The following LDHC variants were observed in gnomAD, a reference collection of about 807,000 sequenced individuals.
LDHC encodes lactate dehydrogenase C, also known as L-lactate dehydrogenase C chain.
Under a neutral mutation model 30.2 loss-of-function variants are expected in LDHC, and 20 were observed. The observed-to-expected ratio is 0.66, with a 90% CI of 0.47 to 0.96. The LOEUF (loss-of-function observed/expected upper bound fraction) is 0.96, where lower values mean the gene tolerates loss of function less well. Among genes scored for constraint, LDHC ranks in the 40% least tolerant of loss-of-function variants. The pLI, the probability that LDHC is intolerant of heterozygous loss-of-function variation, is 0.00. For missense variants in LDHC, 362 were observed against 394.9 expected (o/e 0.92, Z 0.71); for synonymous variants, 139 against 132.7 (o/e 1.05, Z -0.32).
chr11:18,415,817 T>C (rs56242938), intron 3 of LDHC, among the ~76,000 whole-genome samples: 18,528 of 152,048 alleles, frequency 0.12, 1,156 homozygotes, highest in Admixed American at 0.16. Flanking sequence ...CTCAGTCTCC[T>C]GAATAGCTGG....
chr11:18,434,653 T>TA, intron 4 of LDHC, 87 bp from the exon 5 acceptor site: 1 of 741,204 alleles, frequency 1.3e-6, no homozygotes, highest in Non-Finnish European at 2.3e-6. Flanking sequence ...TATTTGACTC[T>TA]AAAACAATTC....
At chr11:18,414,744 C>A (rs1590222032) in intron 2 of LDHC, among the ~76,000 whole-genome samples, 1 of 152,128 alleles carries the variant, frequency 6.6e-6, no homozygotes. Flanking sequence ...ACGAAAATTG[C>A]TTGAACCTGG....
chr11:18,442,058 A>G (rs530241463), intron 6 of LDHC, among the ~76,000 whole-genome samples: 1 of 149,240 alleles, frequency 6.7e-6, no homozygotes, highest in Non-Finnish European at 1.5e-5. Flanking sequence ...AGTTCTCAAC[A>G]GTTTTGTTTT....
intron 3 of LDHC, 134 bp downstream of exon 3, chr11:18,415,435 A>C: frequency 1.8e-6 from 1 of 569,546 alleles, no homozygotes; most frequent in East Asian, 3.0e-5. Flanking sequence ...TTAGTTGATC[A>C]ATTTTTTTTG....
chr11:18,417,162 G>A (rs1223815020), intron 3 of LDHC, among the ~76,000 whole-genome samples: 2 of 152,118 alleles, frequency 1.3e-5, no homozygotes, highest in Non-Finnish European at 2.9e-5. Context: ...GGGATTACAG[G>A]CGTGAGCCAC....
At chr11:18,412,928 T>C in intron 2 of LDHC, 85 bp downstream of exon 2, 1 of 1,299,934 alleles carries the variant, frequency 7.7e-7, no homozygotes, top group Non-Finnish European at 1.1e-6. Flanking sequence ...GGTTGCAAGG[T>C]TAATCCCTTG....
At chr11:18,433,784 T>C (rs1848310102) in intron 4 of LDHC, among the ~76,000 whole-genome samples, 1 of 152,188 alleles carries the variant, frequency 6.6e-6, no homozygotes, top group Non-Finnish European at 1.5e-5. Context: ...TAGGCAAAGG[T>C]CTTTTTGCGA....
At chr11:18,441,418 C>T (rs1181174443) in intron 6 of LDHC, among the ~76,000 whole-genome samples, 1 of 151,728 alleles carries the variant, frequency 6.6e-6, no homozygotes, top group East Asian at 2.0e-4. Flanking sequence ...AAGCAATTCT[C>T]CTGCCTCAGC....
chr11:18,428,494 G>A (rs186041287), intron 3 of LDHC, among the ~76,000 whole-genome samples: 19 of 152,116 alleles, frequency 1.2e-4, no homozygotes, highest in Middle Eastern at 3.4e-3. Context: ...ATGAAAAGTC[G>A]AGATGAGATA....
chr11:18,415,750 T>C (rs1426945876), intron 3 of LDHC, among the ~76,000 whole-genome samples: 1 of 152,056 alleles, frequency 6.6e-6, no homozygotes, highest in East Asian at 1.9e-4. Flanking sequence ...TGGAGTGCAG[T>C]GGCACAATCT....
At chr11:18,438,338 G>T (rs1848394581) in intron 5 of LDHC, among the ~76,000 whole-genome samples, 190 bp from the exon 6 acceptor site, 1 of 152,140 alleles carries the variant, frequency 6.6e-6, no homozygotes, top group African/African-American at 2.4e-5. Flanking sequence ...AGCTATTCAT[G>T]AGGGATCTGC....
In LDHC at chr11:18,426,832, C is replaced by A. The variant is rs538369006; in HGVS notation, c.245-2905C>A. Among the ~76,000 whole-genome samples, 37 of 152,264 alleles carry A rather than the reference C, an allele frequency of 2.4e-4. No homozygotes were observed. In the East Asian group the frequency reaches 6.5e-3, roughly 27 times the overall value. On this transcript the variant is annotated intron_variant, in intron 3 of 7. Transcript: ENST00000541669. ...GGTGCCCTGATCCTGTTAATGCCATCATTTCCTTACCTGTTGTTTATTTTT... is the reference window on the plus strand; with the variant it reads ...GGTGCCCTGATCCTGTTAATGCCATAATTTCCTTACCTGTTGTTTATTTTT...
At chr11:18,444,603 G>GATATATAT (rs1565057770) in intron 6 of LDHC, among the ~76,000 whole-genome samples, 5 of 75,594 alleles carry the variant, frequency 6.6e-5, no homozygotes, top group Non-Finnish European at 1.5e-4. Context: ...GTGTTCAGGT[G>GATATATAT]GTATATATAT....
intron 3 of LDHC, among the ~76,000 whole-genome samples, chr11:18,424,487 AC>A (rs1848127136): frequency 6.6e-6 from 1 of 152,142 alleles, no homozygotes; most frequent in Non-Finnish European, 1.5e-5. Context: ...TCCCAAGAAA[AC>A]TTTTGCACAT....
At chr11:18,413,060 C>T (rs1387381271) in intron 2 of LDHC, among the ~76,000 whole-genome samples, 1 of 138,482 alleles carries the variant, frequency 7.2e-6, no homozygotes, top group Non-Finnish European at 1.6e-5. Flanking sequence ...CTTTCTTTTC[C>T]TTTCTTTTTT....
chr11:18,420,093 AG>A (rs1275682201), intron 3 of LDHC, among the ~76,000 whole-genome samples: 1,774 of 116,590 alleles, frequency 0.015, 38 homozygotes, highest in African/African-American at 0.07. Flanking sequence ...ACTCCGTCTT[AG>A]AACAACAACA....
intron 3 of LDHC, among the ~76,000 whole-genome samples, chr11:18,424,292 G>C (rs542743875): frequency 6.6e-6 from 1 of 152,162 alleles, no homozygotes; most frequent in South Asian, 2.1e-4. Context: ...TGAGGCAGGG[G>C]AATCGCTTGA....
chr11:18,414,264 T>C (rs1320351252), intron 2 of LDHC, among the ~76,000 whole-genome samples: 1 of 152,234 alleles, frequency 6.6e-6, no homozygotes, highest in Non-Finnish European at 1.5e-5. Flanking sequence ...AACTGATTTC[T>C]GTGACCAGAA....
At chr11:18,431,360 G>T (rs550325789) in intron 4 of LDHC, among the ~76,000 whole-genome samples, 1 of 152,054 alleles carries the variant, frequency 6.6e-6, no homozygotes, top group Non-Finnish European at 1.5e-5. Flanking sequence ...TACTCAAGAG[G>T]CTGAGGCAGG....
Sources: allele counts gnomAD v4.1 joint callset (sites outside exome capture counted in the v4.1 genomes callset), GRCh38; gene constraint gnomAD v4.1.1; transcripts MANE v1.5; gene names NCBI Gene and HGNC (gene_info 2026-07-23, HGNC 2026-07-21).